Variants in GLRA3 observed in about 807,000 individuals in gnomAD.
GLRA3 encodes glycine receptor alpha 3.
GLRA3 carries 44 observed loss-of-function variants against 60.4 expected under a neutral mutation model. The ratio of observed to expected loss-of-function variants is 0.73; its 90% CI spans 0.57 to 0.94. GLRA3 has a LOEUF of 0.94. GLRA3 is among the 40% of genes least tolerant of loss of function. The probability of loss-of-function intolerance (pLI) is 0.00; values close to 1 mark genes in which losing one functional copy is unlikely to be tolerated. For missense variants in GLRA3, 508 were observed against 564.6 expected (o/e 0.90, Z 1.02); for synonymous variants, 223 against 192.9 (o/e 1.16, Z -1.29).
At chr4:174,816,378 C>T (rs544496366) in intron 1 of GLRA3, among the ~76,000 whole-genome samples, 140 of 152,250 alleles carry the variant, frequency 9.2e-4, no homozygotes, top group African/African-American at 3.3e-3. Flanking sequence ...GAAAGCCCTG[C>T]CCCAGAATTC....
chr4:174,803,772 T>C (rs1739916514), intron 1 of GLRA3, among the ~76,000 whole-genome samples: 1 of 152,156 alleles, frequency 6.6e-6, no homozygotes, highest in Non-Finnish European at 1.5e-5. Context: ...GTGATAGTAG[T>C]ATCTTATGAG....
intron 1 of GLRA3, among the ~76,000 whole-genome samples, chr4:174,809,152 T>C (rs1218386692): frequency 6.6e-6 from 1 of 152,198 alleles, no homozygotes; most frequent in Non-Finnish European, 1.5e-5. Context: ...AGTTTTACTG[T>C]ATCATTTCTA....
rs1157552045 is a variant in GLRA3, at chr4:174,715,494, C to T, written c.568G>A (p.Glu190Lys). The change falls in exon 5 of 10, where the codon GAA becomes AAA. Residue 190 changes from glutamate to lysine, a missense_variant. Transcript: ENST00000274093. Reference sequence around the variant, plus strand: ...GTAAGTGGTTCATACTTACAGCTTTCCAGTTGCATTATACATGTTTGTACA... The same window carrying T: ...GTAAGTGGTTCATACTTACAGCTTTTCAGTTGCATTATACATGTTTGTACA... ...MDVQTCIMQLESFGYTMNDLI... is the reference protein window; with the variant it reads ...MDVQTCIMQLKSFGYTMNDLI... 2.0e-6 allele frequency: 3 copies of T among 1,488,200 alleles called. No individual in the cohort carries two copies. Among genetic ancestry groups the T allele is most frequent in the African/African-American group, 2.8e-5 (2 of 72,410 alleles). 92.2% of individuals were successfully genotyped at this position (1,488,200 alleles called of 1,614,324 possible).
chr4:174,827,238 T>G (rs911401920), intron 1 of GLRA3, among the ~76,000 whole-genome samples: 1 of 151,902 alleles, frequency 6.6e-6, no homozygotes, highest in Non-Finnish European at 1.5e-5. Context: ...TGGACAAAAG[T>G]CAGAGAATCT....
intron 3 of GLRA3, among the ~76,000 whole-genome samples, chr4:174,746,936 A>G (rs1648525127): frequency 6.6e-6 from 1 of 151,916 alleles, no homozygotes; most frequent in Non-Finnish European, 1.5e-5. Context: ...TCAACAAAAG[A>G]GGGAAAAATA....
chr4:174,776,753 A>G (rs911034498), intron 2 of GLRA3, among the ~76,000 whole-genome samples: 1 of 152,206 alleles, frequency 6.6e-6, no homozygotes, highest in Non-Finnish European at 1.5e-5. Context: ...CTTCAGGGAC[A>G]TGATTGTTAC....
In GLRA3 at chr4:174,780,822, G is replaced by T. The variant is rs566670015; in HGVS notation, c.199+7994C>A. Among the ~76,000 whole-genome samples, 3 of 152,214 alleles carry T rather than the reference G, an allele frequency of 2.0e-5. 1 individual carries two copies. Among genetic ancestry groups the T allele is most frequent in the Admixed American group, 1.3e-4 (2 of 15,282 alleles). On this transcript the variant is annotated intron_variant, in intron 2 of 9. Transcript: ENST00000274093. Reference sequence around the variant, plus strand: ...CACCCACATTCATAAAGCAAGTCCTGAGTGACCTACAAAGAGACGTAGACA... The same window carrying T: ...CACCCACATTCATAAAGCAAGTCCTTAGTGACCTACAAAGAGACGTAGACA...
intron 5 of GLRA3, among the ~76,000 whole-genome samples, chr4:174,714,961 C>A (rs1408793429): frequency 6.6e-6 from 1 of 152,150 alleles, no homozygotes; most frequent in African/African-American, 2.4e-5. Context: ...ACATACATAA[C>A]ATACCCAGCA....
intron 2 of GLRA3, among the ~76,000 whole-genome samples, chr4:174,774,031 A>G (rs964004040): frequency 6.6e-6 from 1 of 152,150 alleles, no homozygotes; most frequent in African/African-American, 2.4e-5. Flanking sequence ...GTGTGTCTCC[A>G]TGGGGCCATC....
chr4:174,825,764 AT>A (rs1740940054), intron 1 of GLRA3, among the ~76,000 whole-genome samples: 1 of 152,048 alleles, frequency 6.6e-6, no homozygotes. Context: ...TATTTTGTAA[AT>A]TTTTTTCTGC....
intron 1 of GLRA3, among the ~76,000 whole-genome samples, chr4:174,822,999 C>T (rs185999329): frequency 2.0e-5 from 3 of 152,278 alleles, no homozygotes; most frequent in Admixed American, 1.3e-4. Flanking sequence ...GGATTTAAAA[C>T]TCCATTTATT....
intron 5 of GLRA3, among the ~76,000 whole-genome samples, chr4:174,704,052 G>C (rs1022922528): frequency 9.6e-6 from 1 of 104,480 alleles, no homozygotes; most frequent in Non-Finnish European, 2.2e-5. Context: ...CCCATTTTTT[G>C]GGGGTGCTGA....
chr4:174,710,045 G>C (rs1735657856), intron 5 of GLRA3, among the ~76,000 whole-genome samples: 1 of 150,910 alleles, frequency 6.6e-6, no homozygotes, highest in Non-Finnish European at 1.5e-5. Context: ...ATAGCCTCTA[G>C]GAAACATATT....
At chr4:174,769,586 G>A (rs576842741) in intron 2 of GLRA3, among the ~76,000 whole-genome samples, 1 of 152,076 alleles carries the variant, frequency 6.6e-6, no homozygotes, top group Non-Finnish European at 1.5e-5. Context: ...ACAGAGGAAT[G>A]TAATGAGAAT....
At chr4:174,762,172 TTC>T (rs1291512794) in intron 3 of GLRA3, among the ~76,000 whole-genome samples, 2 of 152,144 alleles carry the variant, frequency 1.3e-5, no homozygotes, top group African/African-American at 4.8e-5. Flanking sequence ...GGTGGTTGTT[TTC>T]TCTCTTTTTC....
At chr4:174,784,566 T>A (rs1017854281) in intron 2 of GLRA3, among the ~76,000 whole-genome samples, 8 of 151,934 alleles carry the variant, frequency 5.3e-5, no homozygotes, top group African/African-American at 1.9e-4. Context: ...GACCTGTGCC[T>A]AAGTGAACAT....
intron 4 of GLRA3, among the ~76,000 whole-genome samples, chr4:174,721,004 A>AC (rs1736106697): frequency 9.2e-6 from 1 of 108,724 alleles, no homozygotes; most frequent in African/African-American, 3.5e-5. Context: ...AACTGTGTGA[A>AC]CTTTGTGTGT....
intron 1 of GLRA3, among the ~76,000 whole-genome samples, chr4:174,821,385 T>C (rs1469651478): frequency 3.3e-5 from 5 of 152,160 alleles, no homozygotes; most frequent in Non-Finnish European, 7.4e-5. Context: ...TTTTTTATGG[T>C]TTTATTTCTA....
chr4:174,784,785 T>G (rs1169152490), intron 2 of GLRA3, among the ~76,000 whole-genome samples: 1 of 152,160 alleles, frequency 6.6e-6, no homozygotes, highest in Non-Finnish European at 1.5e-5. Flanking sequence ...GTTTTTAAAA[T>G]CATTATATTT....
Sources: gnomAD v4.1 joint callset for allele counts (sites outside exome capture counted in the v4.1 genomes callset) on GRCh38, gnomAD v4.1.1 for gene constraint, MANE v1.5 for transcripts, NCBI Gene and HGNC (gene_info 2026-07-23, HGNC 2026-07-21) for gene names.